VDR: variants seen among roughly 807,000 people sequenced by gnomAD.
The protein encoded by VDR is vitamin D3 receptor.
In VDR, 19 loss-of-function variants were observed where a neutral mutation model predicts 39.7. The observed-to-expected ratio is 0.48, with a 90% CI of 0.33 to 0.70. VDR has a LOEUF of 0.70. Ranked by LOEUF, VDR falls within the 30% of genes least tolerant of loss-of-function variation. The pLI is 0.02. For synonymous variants in VDR, 242 were observed against 215.8 expected, an observed-to-expected ratio of 1.12 and a Z score of -1.07; for missense variants, 442 against 570.5, an observed-to-expected ratio of 0.77 and a Z score of 2.29.
chr12:47,900,833 G>A (rs548125157), intron 1 of VDR, among the ~76,000 whole-genome samples: 1 of 152,286 alleles, frequency 6.6e-6, no homozygotes, highest in Admixed American at 6.5e-5. Flanking sequence ...CACAGACTCC[G>A]CTTTCCCGCC....
At chr12:47,865,714 CTTTTTT>C (rs34900299) in intron 3 of VDR, among the ~76,000 whole-genome samples, 1 of 106,358 alleles carries the variant, frequency 9.4e-6, no homozygotes. Context: ...CACTCCGACT[CTTTTTT>C]TTTTTTTTTT....
At chr12:47,904,427 A>G (rs1364192017) in intron 1 of VDR, 8 of 582,510 alleles carry the variant, frequency 1.4e-5, no homozygotes, top group Non-Finnish European at 1.8e-5. Context: ...AATAGGGCCA[A>G]TTAGGTCTAA....
At chr12:47,885,485 A>C (rs1946235338) in intron 1 of VDR, among the ~76,000 whole-genome samples, 2 of 152,230 alleles carry the variant, frequency 1.3e-5, no homozygotes, top group African/African-American at 2.4e-5. Context: ...CAGGGTGGCA[A>C]TTGCCAGGTG....
rs371312471 is a variant in VDR, at chr12:47,842,644, G to A, written c.*2102C>T. Reference sequence around the variant, plus strand: ...GGCTATTTTTTTTTTTTTTTTTTTTGTATTTTTAATAGAGACAGGGTTTCT... The same window carrying A: ...GGCTATTTTTTTTTTTTTTTTTTTTATATTTTTAATAGAGACAGGGTTTCT... On this transcript the variant is annotated 3_prime_UTR_variant, in exon 10 of 10. Transcript: ENST00000549336. 3.4e-5 allele frequency: 2 copies of A among 59,502 alleles called. No homozygotes were observed. Among genetic ancestry groups the A allele is most frequent in the Non-Finnish European group, 7.0e-5 (2 of 28,712 alleles). The allele number at this position is 59,502 out of a possible 1,614,324, so 3.7% of individuals were successfully genotyped here.
chr12:47,879,153 G>C, intron 2 of VDR, 38 bp from the exon 3 acceptor site: 1 of 1,605,110 alleles, frequency 6.2e-7, no homozygotes, highest in Non-Finnish European at 8.5e-7. Context: ...CAGAGCCAGA[G>C]TCAGTGCCAG....
Position 47,878,995 on chromosome 12 carries a change from GT to G in VDR, c.118del (p.Thr40ProfsTer13). On this transcript the variant is annotated frameshift_variant, in exon 3 of 10. Coordinates refer to ENST00000549336, the MANE Select transcript of VDR (RefSeq NM_000376.3). LOFTEE classifies it high-confidence loss of function. ...RATGFHFNAMTCEGCKGFFRR... is the reference protein window; with the variant it reads ...RATGFHFNAMXCEGCKGFFRR... ...GAAGAAGCCTTTGCAGCCTTCACAG[GT>G]CATAGCATTGAAGTGAAAGCCAGTG... 6.2e-7 allele frequency: 1 copy of G among 1,614,212 alleles called. No homozygotes were observed. The highest frequency in any genetic ancestry group is 8.5e-7 in the Non-Finnish European group (1 of 1,180,034).
intron 1 of VDR, 74 bp from the exon 2 acceptor site, chr12:47,882,848 C>A: frequency 8.2e-7 from 1 of 1,219,700 alleles, no homozygotes; most frequent in Non-Finnish European, 1.1e-6. Flanking sequence ...AGGAAGTGGG[C>A]ACGAGAGGCT....
intron 7 of VDR, among the ~76,000 whole-genome samples, chr12:47,847,739 A>G (rs1945306463): frequency 6.6e-6 from 1 of 151,932 alleles, no homozygotes; most frequent in Non-Finnish European, 1.5e-5. Flanking sequence ...TGCTCAGCTA[A>G]TTTCTTTTAT....
chr12:47,881,932 G>A (rs559450729), intron 2 of VDR, among the ~76,000 whole-genome samples: 56 of 152,336 alleles, frequency 3.7e-4, no homozygotes, highest in Admixed American at 3.3e-3. Context: ...TCATCGTGGT[G>A]TTGCTACAGA....
intron 4 of VDR, among the ~76,000 whole-genome samples, chr12:47,859,964 TTTC>T (rs1489838975): frequency 2.1e-5 from 3 of 144,632 alleles, no homozygotes; most frequent in South Asian, 4.4e-4. Flanking sequence ...TCTTTCTTTC[TTTC>T]TTTCTTTCTT....
At chr12:47,901,988 GC>G (rs1946571948) in intron 1 of VDR, among the ~76,000 whole-genome samples, 1 of 152,210 alleles carries the variant, frequency 6.6e-6, no homozygotes, top group African/African-American at 2.4e-5. Context: ...CAGGGAGCAG[GC>G]TAGGGTGTCG....
rs890110084 is a variant in VDR, at chr12:47,868,803, G to A, written c.147-3626C>T. The stretch of plus-strand genomic sequence containing the variant: ...TTGTTTTTCAACAACCGGGCATTTC[G>A]CTCTGGTCACTGAGGGGCTGCTCTG... On this transcript the variant is annotated intron_variant, in intron 3 of 9. Coordinates refer to ENST00000549336, the MANE Select transcript of VDR (RefSeq NM_000376.3). 8.1e-5 allele frequency among the ~76,000 whole-genome samples: 12 copies of A among 147,934 alleles called. No individual in the cohort carries two copies. The East Asian group carries it at 1.4e-3, about 17-fold the overall frequency.
At chr12:47,894,164 T>C (rs1158122518) in intron 1 of VDR, among the ~76,000 whole-genome samples, 2 of 152,200 alleles carry the variant, frequency 1.3e-5, no homozygotes, top group Non-Finnish European at 2.9e-5. Flanking sequence ...TTTCCATAAA[T>C]GCTGCCCCAG....
intron 1 of VDR, among the ~76,000 whole-genome samples, chr12:47,889,206 G>A (rs1317098833): frequency 2.0e-5 from 3 of 151,896 alleles, no homozygotes; most frequent in African/African-American, 7.2e-5. Context: ...ACATATCCAA[G>A]GCCACACAGT....
In VDR at chr12:47,846,437, C is replaced by A; in HGVS notation, c.922G>T (p.Glu308Ter). Reference sequence around the variant, plus strand: ...AACTTGATGAGGGGCTCAATCAGCTCCAGGCTGTGTCCGGCTGTGAGAGAC... The same window carrying A: ...AACTTGATGAGGGGCTCAATCAGCTACAGGCTGTGTCCGGCTGTGAGAGAC... ...SDVTKAGHSL[E>*]LIEPLIKFQV... The change falls in exon 9 of 10, where the codon GAG (glutamate) becomes TAG (stop). Residue 308 changes from glutamate (E) to a stop codon, truncating the protein, a stop_gained. Transcript: ENST00000549336. LOFTEE classifies it high-confidence loss of function. The A allele has an allele frequency of 6.4e-7, 1 of 1,567,012 alleles. No individual in the cohort carries two copies. Among genetic ancestry groups the A allele is most frequent in the Non-Finnish European group, 8.7e-7 (1 of 1,155,642 alleles).
chr12:47,887,523 G>A (rs1448840357), intron 1 of VDR, among the ~76,000 whole-genome samples: 5 of 152,220 alleles, frequency 3.3e-5, no homozygotes, highest in African/African-American at 7.2e-5. Flanking sequence ...GCAGAAGATA[G>A]CCTGGGTTAC....
intron 3 of VDR, among the ~76,000 whole-genome samples, chr12:47,878,442 G>A (rs541449041): frequency 3.7e-4 from 56 of 152,314 alleles, no homozygotes; most frequent in African/African-American, 1.3e-3. Flanking sequence ...CTGCCTGGAT[G>A]TTCCAAGGTT....
At chr12:47,871,423 A>C in intron 3 of VDR, among the ~76,000 whole-genome samples, 1 of 120,462 alleles carries the variant, frequency 8.3e-6, no homozygotes, top group Non-Finnish European at 1.7e-5. Context: ...CTGTCTGTCT[A>C]TCTGTCTTTC....
At chr12:47,866,271 C>G (rs968747055) in intron 3 of VDR, among the ~76,000 whole-genome samples, 5 of 151,436 alleles carry the variant, frequency 3.3e-5, no homozygotes, top group Non-Finnish European at 7.4e-5. Context: ...CCGCACCCGG[C>G]TAATTCTTTG....
Sources: allele counts gnomAD v4.1 joint callset (sites outside exome capture counted in the v4.1 genomes callset), GRCh38; gene constraint gnomAD v4.1.1; transcripts MANE v1.5; gene names NCBI Gene and HGNC (gene_info 2026-07-23, HGNC 2026-07-21).